CNTNAP4: variants seen among roughly 807,000 people sequenced by gnomAD.
CNTNAP4 encodes contactin-associated protein-like 4.
In CNTNAP4, 98 loss-of-function variants were observed where a neutral mutation model predicts 148.4. The observed-to-expected ratio is 0.66, with a 90% CI of 0.56 to 0.78. CNTNAP4 has a LOEUF of 0.78. CNTNAP4 is among the 30% of genes least tolerant of loss of function. The pLI is 0.00. For synonymous variants in CNTNAP4, 730 were observed against 565.1 expected (o/e 1.29, Z -4.14); for missense variants, 1,935 against 1,565.6 (o/e 1.24, Z -3.98).
intron 17 of CNTNAP4, among the ~76,000 whole-genome samples, chr16:76,530,225 C>T (rs180684538): frequency 7.7e-4 from 117 of 151,716 alleles, no homozygotes; most frequent in Admixed American, 2.4e-3. Flanking sequence ...TTTTTAATTT[C>T]GGTTTTTTAT....
intron 15 of CNTNAP4, among the ~76,000 whole-genome samples, chr16:76,517,583 T>C (rs1301890180): frequency 1.3e-5 from 2 of 152,256 alleles, no homozygotes; most frequent in Non-Finnish European, 2.9e-5. Context: ...GCATGTTATA[T>C]GCATTTTGAT....
chr16:76,440,798 G>C (rs2080007778), intron 4 of CNTNAP4, among the ~76,000 whole-genome samples: 1 of 152,118 alleles, frequency 6.6e-6, no homozygotes, highest in Non-Finnish European at 1.5e-5. Flanking sequence ...GGACCATAGA[G>C]CTCAGTTCAT....
At chr16:76,369,481 C>CT (rs1296574469) in intron 3 of CNTNAP4, among the ~76,000 whole-genome samples, 1 of 152,158 alleles carries the variant, frequency 6.6e-6, no homozygotes, top group African/African-American at 2.4e-5. Flanking sequence ...CTAATTTAGT[C>CT]TAAGTCTGAA....
chr16:76,294,018 C>G (rs187752854), intron 1 of CNTNAP4, among the ~76,000 whole-genome samples: 81 of 152,208 alleles, frequency 5.3e-4, no homozygotes, highest in African/African-American at 1.6e-3. Flanking sequence ...GTTTCCATTT[C>G]AGGGACACTT....
intron 3 of CNTNAP4, among the ~76,000 whole-genome samples, chr16:76,381,184 A>G (rs542426029): frequency 1.3e-5 from 2 of 152,332 alleles, no homozygotes; most frequent in South Asian, 4.1e-4. Context: ...GTAACTTTAA[A>G]GATGAGAATC....
chr16:76,535,637 G>C lies in CNTNAP4; in HGVS notation c.2848G>C (p.Val950Leu). The part of the protein sequence containing the change: ...MTLDLEERAQ[V>L]TPEVQPGCRG... ...CCTGGATTTGGAAGAAAGAGCCCAG[G>C]TGACTCCAGAAGTGCAGCCAGGTTG... The change falls in exon 18 of 24, where the codon GTG (valine) becomes CTG (leucine). Residue 950 changes from valine to leucine, a missense_variant. Physicochemically the swap from Val to Leu is conservative, Grantham distance 32 (BLOSUM62 1). Transcript: ENST00000611870. The C allele has an allele frequency of 6.2e-7, 1 of 1,614,076 alleles. No homozygotes were observed. The highest frequency in any genetic ancestry group is 8.5e-7 in the Non-Finnish European group (1 of 1,180,038).
chr16:76,426,718 G>A (rs564194528), intron 3 of CNTNAP4, among the ~76,000 whole-genome samples: 4 of 152,034 alleles, frequency 2.6e-5, no homozygotes, highest in Non-Finnish European at 5.9e-5. Flanking sequence ...AACACTGGAG[G>A]GATTTTTTTT....
At chr16:76,428,877 G>A (rs533080678) in intron 4 of CNTNAP4, among the ~76,000 whole-genome samples, 45 of 152,074 alleles carry the variant, frequency 3.0e-4, no homozygotes, top group African/African-American at 8.9e-4. Flanking sequence ...AAATAGCCCC[G>A]ATAAATATTA....
At chr16:76,468,954 T>C (rs953700971) in intron 10 of CNTNAP4, among the ~76,000 whole-genome samples, 1 of 152,186 alleles carries the variant, frequency 6.6e-6, no homozygotes, top group Admixed American at 6.5e-5. Flanking sequence ...TGTAGTAATG[T>C]TCAATATGTA....
intron 1 of CNTNAP4, among the ~76,000 whole-genome samples, chr16:76,312,122 A>C (rs1032906656): frequency 6.6e-6 from 1 of 152,198 alleles, no homozygotes; most frequent in Admixed American, 6.5e-5. Flanking sequence ...AGATTCTAGA[A>C]TATTGTTTCT....
At chr16:76,390,530 A>T (rs1393561520) in intron 3 of CNTNAP4, among the ~76,000 whole-genome samples, 1 of 151,780 alleles carries the variant, frequency 6.6e-6, no homozygotes, top group Non-Finnish European at 1.5e-5. Context: ...TCTGTTCATG[A>T]ACTGCAACTT....
chr16:76,554,013 C>A, intron 23 of CNTNAP4, 106 bp downstream of exon 23: 1 of 675,594 alleles, frequency 1.5e-6, no homozygotes, highest in Non-Finnish European at 2.5e-6. Context: ...ACTCCAAGTG[C>A]CAGGCACTGA....
intron 15 of CNTNAP4, among the ~76,000 whole-genome samples, chr16:76,501,711 G>A (rs527504255): frequency 7.9e-5 from 12 of 152,070 alleles, no homozygotes; most frequent in Non-Finnish European, 1.2e-4. Context: ...TAGTACTGAG[G>A]CTGAGAAACT....
intron 2 of CNTNAP4, among the ~76,000 whole-genome samples, chr16:76,336,872 A>G (rs1398954563): frequency 1.3e-5 from 2 of 152,198 alleles, no homozygotes; most frequent in Non-Finnish European, 2.9e-5. Flanking sequence ...AATCTCTGTT[A>G]GGGCCACAGA....
At chr16:76,305,427 G>C (rs1405787881) in intron 1 of CNTNAP4, among the ~76,000 whole-genome samples, 3 of 151,904 alleles carry the variant, frequency 2.0e-5, no homozygotes, top group Non-Finnish European at 4.4e-5. Context: ...TTCCTTCCTT[G>C]TGCTTTCCTG....
intron 13 of CNTNAP4, among the ~76,000 whole-genome samples, chr16:76,491,946 T>G (rs1356031084): frequency 6.6e-6 from 1 of 152,138 alleles, no homozygotes; most frequent in African/African-American, 2.4e-5. Flanking sequence ...AAAGCTGCAA[T>G]GAACATGGGA....
At chr16:76,545,667 C>G (rs2084687537) in intron 21 of CNTNAP4, among the ~76,000 whole-genome samples, 1 of 152,120 alleles carries the variant, frequency 6.6e-6, no homozygotes. Flanking sequence ...TACAAACCTT[C>G]ATACAATGAT....
intron 2 of CNTNAP4, among the ~76,000 whole-genome samples, chr16:76,338,785 T>A (rs916940363): frequency 2.6e-5 from 4 of 152,146 alleles, no homozygotes; most frequent in Non-Finnish European, 5.9e-5. Flanking sequence ...CTTTACAACC[T>A]TTTGGCTCAG....
At chr16:76,530,449 G>A (rs919562248) in intron 17 of CNTNAP4, among the ~76,000 whole-genome samples, 1 of 152,106 alleles carries the variant, frequency 6.6e-6, no homozygotes, top group East Asian at 1.9e-4. Context: ...ATTGACTGAG[G>A]TCAGAATTCA....
Sources: allele counts gnomAD v4.1 joint callset (sites outside exome capture counted in the v4.1 genomes callset), GRCh38; gene constraint gnomAD v4.1.1; transcripts MANE v1.5; gene names NCBI Gene and HGNC (gene_info 2026-07-23, HGNC 2026-07-21).